AP1B1: variants seen among roughly 807,000 people sequenced by gnomAD.
The protein encoded by AP1B1 is adaptor related protein complex 1 subunit beta 1, also known as AP-1 complex subunit beta-1.
A neutral mutation model predicts 104.3 loss-of-function variants in AP1B1; 36 were observed. The observed-to-expected ratio is 0.35, with a 90% CI of 0.26 to 0.46. AP1B1 has a LOEUF of 0.46. Ranked by LOEUF, AP1B1 falls within the 20% of genes least tolerant of loss-of-function variation. The probability of loss-of-function intolerance (pLI) is 1.00; values close to 1 mark genes in which losing one functional copy is unlikely to be tolerated. For synonymous variants in AP1B1, 504 were observed against 517.5 expected (o/e 0.97, Z 0.35); for missense variants, 901 against 1,247.9 (o/e 0.72, Z 4.19).
At chr22:29,386,038 G>A (rs2062516725) in intron 1 of AP1B1, among the ~76,000 whole-genome samples, 1 of 152,198 alleles carries the variant, frequency 6.6e-6, no homozygotes, top group African/African-American at 2.4e-5. Context: ...GCAGAAGGAA[G>A]TAACGCTCCA....
At chr22:29,368,368 C>A (rs1323500524) in intron 1 of AP1B1, among the ~76,000 whole-genome samples, 1 of 151,980 alleles carries the variant, frequency 6.6e-6, no homozygotes, top group Non-Finnish European at 1.5e-5. Context: ...AATCATTTAA[C>A]AAAAATTTAC....
In AP1B1 at chr22:29,331,857, G is replaced by A; in HGVS notation, c.2369C>T (p.Thr790Ile). Reference protein sequence around the residue: ...QVHAPLSPNQTVEISLPLSTV... With the variant: ...QVHAPLSPNQIVEISLPLSTV... ...GCTGAGAGGCAGGGAGATCTCCACT[G>A]TCTGGTTGGGGCTGAGTGGCGCGTG... is the stretch of plus-strand genomic sequence containing the variant. Residue 790 changes from threonine to isoleucine, a missense_variant, in exon 18 of 23, where the codon ACA becomes ATA. Coordinates refer to ENST00000357586, the MANE Select transcript of AP1B1 (RefSeq NM_001127.4). The A allele has an allele frequency of 1.9e-6, 3 of 1,614,058 alleles. No individual in the cohort carries two copies. Among genetic ancestry groups the A allele is most frequent in the Non-Finnish European group, 1.7e-6 (2 of 1,179,972 alleles).
At chr22:29,339,726 G>T (rs937582907) in intron 15 of AP1B1, 28 bp downstream of exon 15, 10 of 1,608,486 alleles carry the variant, frequency 6.2e-6, no homozygotes, top group Non-Finnish European at 8.5e-6. Context: ...AAGGACGAAG[G>T]CTTGGTGACG....
At chr22:29,361,207 T>C (rs1236933649) in intron 3 of AP1B1, among the ~76,000 whole-genome samples, 198 of 145,990 alleles carry the variant, frequency 1.4e-3, no homozygotes, top group Middle Eastern at 3.5e-3. Flanking sequence ...GGTACCTGTT[T>C]CCTTTCTGCT....
chr22:29,388,090 C>A lies in AP1B1; in HGVS notation c.-28+334G>T, dbSNP rs375909120. Among the ~76,000 whole-genome samples the A allele has an allele frequency of 1.4e-3, 213 of 152,310 alleles. 2 individuals carry two copies. In the Middle Eastern group the frequency reaches 0.031, roughly 22 times the overall value. On this transcript the variant is annotated intron_variant, in intron 1 of 22. Transcript: ENST00000357586. ...AACAACGAGGAGGCCTCAGGATGGC[C>A]ATGGAGGTGAGTCCGAAAGAGGAAA...
At chr22:29,347,925 A>T (rs2061816932) in intron 11 of AP1B1, among the ~76,000 whole-genome samples, 1 of 152,262 alleles carries the variant, frequency 6.6e-6, no homozygotes, top group Non-Finnish European at 1.5e-5. Flanking sequence ...TACTGTTTCA[A>T]TGAGCACAAG....
chr22:29,328,834 A>G lies in AP1B1; in HGVS notation c.2837T>C (p.Ile946Thr). ...SQHVYQAYET[I>T]LKN ...CTGGCCGGGGTCTCAGTTCTTGAGG[A>G]TGGTCTCGTAGGCCTGGTACACGTG... The change falls in exon 23 of 23, where the codon ATC becomes ACC. Residue 946 changes from isoleucine (I) to threonine (T), a missense_variant. This residue lies in a region of AP1B1 where 424 missense variants were observed against 494.0 expected (regional missense o/e 0.86). Transcript: ENST00000357586. This position sits in a 1 kb window ranked among gnomAD's most constrained non-coding sequence, Gnocchi z 4.1. 1 of 1,607,368 alleles carries G rather than the reference A, an allele frequency of 6.2e-7. No individual in the cohort carries two copies. The highest frequency in any genetic ancestry group is 1.1e-5 in the South Asian group (1 of 89,430).
intron 2 of AP1B1, among the ~76,000 whole-genome samples, chr22:29,366,794 C>T (rs2062145313): frequency 6.9e-6 from 1 of 144,114 alleles, no homozygotes; most frequent in Non-Finnish European, 1.5e-5. Context: ...AGTGAAACTC[C>T]GTCTCAAAAA....
chr22:29,349,122 C>T (rs553708298), intron 11 of AP1B1, 96 bp downstream of exon 11: 250 of 1,443,468 alleles, frequency 1.7e-4, no homozygotes, highest in Non-Finnish European at 1.3e-4. Flanking sequence ...GGGCTGTTTA[C>T]GAGGTAATAG....
intron 11 of AP1B1, among the ~76,000 whole-genome samples, chr22:29,343,418 C>T (rs930537748): frequency 6.6e-6 from 1 of 152,196 alleles, no homozygotes; most frequent in Non-Finnish European, 1.5e-5. Context: ...ATGGAGGGCA[C>T]GTGGTCCTCC....
intron 14 of AP1B1, 21 bp downstream of exon 14, chr22:29,340,635 C>T: frequency 6.6e-7 from 1 of 1,518,558 alleles, no homozygotes; most frequent in Non-Finnish European, 8.9e-7. Context: ...CAACATCATC[C>T]AGAGGGGGCC....
Position 29,331,687 on chromosome 22 carries a change from C to T in AP1B1, c.2439+100G>A, listed in dbSNP as rs1418575147. 1.0e-5 allele frequency: 16 copies of T among 1,604,776 alleles called. No individual in the cohort carries two copies. In the East Asian group the frequency reaches 3.3e-4, roughly 34 times the overall value. ...CTGGGCCTCCCCAACACATCTGCAG[C>T]TAAGAGCATGACTCCGCAGACACGA... is the stretch of plus-strand genomic sequence containing the variant. On this transcript the variant is annotated intron_variant, in intron 18 of 22. Coordinates refer to ENST00000357586, the MANE Select transcript of AP1B1 (RefSeq NM_001127.4).
intron 11 of AP1B1, among the ~76,000 whole-genome samples, chr22:29,344,514 ATTTTTTT>A (rs35466454): frequency 2.1e-4 from 20 of 93,798 alleles, no homozygotes; most frequent in East Asian, 1.5e-3. Context: ...CCTGGCCAAG[ATTTTTTT>A]TTTTTTTTTT....
At position 29,328,742 on chromosome 22, in the gene AP1B1, C is replaced by A. The variant is rs917138306; in HGVS notation, c.*79G>T. ...CTGGAGCCCCGCCTGGTCCCTCCTG[C>A]GAGGAGGAAGATGTGCTGCCCCCGA... is the stretch of plus-strand genomic sequence containing the variant. On this transcript the variant is annotated 3_prime_UTR_variant, in exon 23 of 23. Transcript: ENST00000357586. This position sits in a 1 kb window ranked among gnomAD's most constrained non-coding sequence, Gnocchi z 4.1. 2.0e-6 allele frequency: 3 copies of A among 1,510,286 alleles called. No homozygotes were observed. Among genetic ancestry groups the A allele is most frequent in the East Asian group, 2.4e-5 (1 of 42,302 alleles). The allele number at this position is 1,510,286 out of a possible 1,614,324, so 93.6% of individuals were successfully genotyped here.
intron 11 of AP1B1, among the ~76,000 whole-genome samples, chr22:29,343,229 G>A: frequency 6.6e-6 from 1 of 152,260 alleles, no homozygotes; most frequent in Non-Finnish European, 1.5e-5. Flanking sequence ...CAAGGGGGCA[G>A]CCTGATGCTC....
chr22:29,369,242 A>G (rs1030665993), intron 1 of AP1B1, among the ~76,000 whole-genome samples: 12 of 152,120 alleles, frequency 7.9e-5, no homozygotes, highest in East Asian at 1.9e-4. Context: ...CTCCAGCCCA[A>G]TTGGATTTTT....
intron 3 of AP1B1, among the ~76,000 whole-genome samples, chr22:29,360,643 G>T (rs549943352): frequency 3.3e-5 from 5 of 152,246 alleles, no homozygotes; most frequent in African/African-American, 1.2e-4. Context: ...AGAAGTCAGG[G>T]GATGATCCCC....
rs1390965341 is a variant in AP1B1, at chr22:29,341,659, T to C, written c.1638A>G (p.Pro546=). ...TGAGGTCCGTCTCTTCAGAGATGAGTGGCTTCTCAGCCAACACCACCTCCT... is the reference window on the plus strand; with the variant it reads ...TGAGGTCCGTCTCTTCAGAGATGAGCGGCTTCTCAGCCAACACCACCTCCT... ...AAKEVVLAEK[P]LISEETDLIE... is the part of the protein sequence containing the mutation. Residue 546 remains proline, a synonymous_variant, in exon 13 of 23, where the codon CCA becomes CCG. Coordinates refer to ENST00000357586, the MANE Select transcript of AP1B1 (RefSeq NM_001127.4). The C allele has an allele frequency of 6.2e-7, 1 of 1,614,020 alleles. No homozygotes were observed. The highest frequency in any genetic ancestry group is 8.5e-7 in the Non-Finnish European group (1 of 1,180,012).
intron 1 of AP1B1, among the ~76,000 whole-genome samples, chr22:29,378,552 CAAAAAAAA>C (rs145933767): frequency 4.1e-5 from 2 of 48,484 alleles, no homozygotes; most frequent in African/African-American, 8.2e-5. Context: ...AACTCCGTAT[CAAAAAAAA>C]AAAAAAAAAA....
Sources: gnomAD v4.1 joint callset for allele counts (sites outside exome capture counted in the v4.1 genomes callset) on GRCh38, gnomAD v4.1.1 for gene constraint, gnomAD v4.1.1 regional missense constraint, Gnocchi (gnomAD v3.1) non-coding constraint, MANE v1.5 for transcripts, NCBI Gene and HGNC (gene_info 2026-07-23, HGNC 2026-07-21) for gene names.